The following AP4E1 variants were observed in gnomAD, a reference collection of about 807,000 sequenced individuals.
AP4E1 encodes AP-4 complex subunit epsilon-1.
In AP4E1, 56 loss-of-function variants were observed where a neutral mutation model predicts 128.2. The ratio of observed to expected loss-of-function variants is 0.44; its 90% CI spans 0.35 to 0.55. AP4E1 has a LOEUF of 0.55. Ranked by LOEUF, AP4E1 falls within the 20% of genes least tolerant of loss-of-function variation. The pLI, the probability that AP4E1 is intolerant of heterozygous loss-of-function variation, is 0.00. For missense variants in AP4E1, 1,324 were observed against 1,307.7 expected (o/e 1.01, Z -0.19); for synonymous variants, 484 against 473.1 (o/e 1.02, Z -0.30).
rs774059327 is a variant in AP4E1 at position 50,979,175 on chromosome 15, G to C, written c.1967-4847G>C. Among the ~76,000 whole-genome samples the C allele has an allele frequency of 3.3e-5, 5 of 152,132 alleles. 1 individual carries two copies. Among genetic ancestry groups the C allele is most frequent in the Non-Finnish European group, 5.9e-5 (4 of 68,024 alleles). ...ACTGGAAGTGTTAATGCAGTGGCTG[G>C]ATGACTCACTGTCACAGATGCTATT... On this transcript the variant is annotated intron_variant, in intron 15 of 20. Transcript: ENST00000261842.
intron 8 of AP4E1, among the ~76,000 whole-genome samples, chr15:50,938,637 A>T (rs36004063): frequency 1.3e-5 from 2 of 152,062 alleles, no homozygotes; most frequent in East Asian, 3.9e-4. Flanking sequence ...CTTTGTGGCC[A>T]GGGTTCGGAG....
intron 3 of AP4E1, among the ~76,000 whole-genome samples, chr15:50,921,182 G>A (rs2063699184): frequency 6.6e-6 from 1 of 151,960 alleles, no homozygotes; most frequent in South Asian, 2.1e-4. Context: ...TAGAGATAGG[G>A]TCTTGCTACG....
At chr15:50,932,671 A>G (rs2063850256) in intron 7 of AP4E1, among the ~76,000 whole-genome samples, 1 of 152,198 alleles carries the variant, frequency 6.6e-6, no homozygotes, top group South Asian at 2.1e-4. Flanking sequence ...ACCATTCTCC[A>G]GGCTTTTGCT....
In AP4E1 at chr15:51,004,312, C is replaced by G. The variant is rs1455985926; in HGVS notation, c.*1650C>G. 1 of 152,178 alleles carries G rather than the reference C, an allele frequency of 6.6e-6. No homozygotes were observed. The highest frequency in any genetic ancestry group is 1.5e-5 in the Non-Finnish European group (1 of 68,040). The allele number at this position is 152,178 out of a possible 1,614,324, so 9.4% of individuals were successfully genotyped here. On this transcript the variant is annotated 3_prime_UTR_variant, in exon 21 of 21. Coordinates refer to ENST00000261842, the MANE Select transcript of AP4E1 (RefSeq NM_007347.5). ...CCCCTTACCTAATTCTGCTGTGACT[C>G]TGACAGAGAGGAAGTGCCTTCTCAC...
chr15:50,960,631 A>G (rs1035732292), intron 14 of AP4E1, among the ~76,000 whole-genome samples: 1 of 152,100 alleles, frequency 6.6e-6, no homozygotes, highest in Admixed American at 6.6e-5. Flanking sequence ...TGGCAAAAAC[A>G]GTGCTAAGAG....
At chr15:50,968,900 G>A (rs1414164636) in intron 15 of AP4E1, among the ~76,000 whole-genome samples, 1 of 151,928 alleles carries the variant, frequency 6.6e-6, no homozygotes, top group East Asian at 1.9e-4. Context: ...TTACAGGCGT[G>A]AGCCACTGCG....
chr15:50,995,773 G>C (rs1457501199), intron 17 of AP4E1, among the ~76,000 whole-genome samples: 1 of 151,526 alleles, frequency 6.6e-6, no homozygotes, highest in African/African-American at 2.4e-5. Context: ...ATGTCACTAC[G>C]GTGTCTTCTG....
chr15:50,940,924 C>G (rs1274545765), intron 8 of AP4E1, among the ~76,000 whole-genome samples: 1 of 152,088 alleles, frequency 6.6e-6, no homozygotes, highest in Non-Finnish European at 1.5e-5. Flanking sequence ...GAAATAAATA[C>G]TGGATCATCC....
rs975311931 is a variant in AP4E1, at chr15:50,938,023, A to G, written c.943+3326A>G. On this transcript the variant is annotated intron_variant, in intron 8 of 20. Transcript: ENST00000261842. ...GACAAAAGCCATCAAAAGTAGGTAGATAGAAGTACTTTTCCGTTTTTTTTC... is the reference window on the plus strand; with the variant it reads ...GACAAAAGCCATCAAAAGTAGGTAGGTAGAAGTACTTTTCCGTTTTTTTTC... Among the ~76,000 whole-genome samples, 3 of 152,304 alleles carry G rather than the reference A, an allele frequency of 2.0e-5. No homozygotes were observed. The East Asian group carries it at 5.8e-4, about 29-fold the overall frequency.
intron 16 of AP4E1, 90 bp from the exon 17 acceptor site, chr15:50,993,280 T>C: frequency 7.3e-7 from 1 of 1,363,264 alleles, no homozygotes; most frequent in South Asian, 1.2e-5. Context: ...TAAAAGGCCA[T>C]GGGCATTGAT....
intron 13 of AP4E1, among the ~76,000 whole-genome samples, chr15:50,958,028 C>T (rs908908650): frequency 6.6e-5 from 10 of 151,992 alleles, no homozygotes; most frequent in African/African-American, 2.4e-4. Context: ...TCAGCTGATG[C>T]ATATTCAAAT....
intron 3 of AP4E1, 97 bp downstream of exon 3, chr15:50,915,668 A>G: frequency 5.1e-6 from 7 of 1,373,378 alleles, no homozygotes; most frequent in Non-Finnish European, 6.2e-6. Context: ...GTATGTTTTT[A>G]GAATACTGTA....
chr15:50,962,034 A>G (rs1487754125), intron 14 of AP4E1, among the ~76,000 whole-genome samples: 5 of 151,922 alleles, frequency 3.3e-5, no homozygotes, highest in Non-Finnish European at 7.4e-5. Context: ...ATACAATACA[A>G]TACAATACTT....
chr15:50,910,816 C>T (rs1026589116), intron 1 of AP4E1, among the ~76,000 whole-genome samples: 1 of 152,150 alleles, frequency 6.6e-6, no homozygotes. Flanking sequence ...TCACCATACC[C>T]GGCTAATTTT....
chr15:50,952,703 A>G (rs2064168493), intron 13 of AP4E1, among the ~76,000 whole-genome samples: 1 of 151,530 alleles, frequency 6.6e-6, no homozygotes, highest in Non-Finnish European at 1.5e-5. Context: ...TTTATAATGA[A>G]CCCCACTTTC....
chr15:50,983,116 A>C (rs1567254604), intron 15 of AP4E1, among the ~76,000 whole-genome samples: 1 of 152,190 alleles, frequency 6.6e-6, no homozygotes, highest in African/African-American at 2.4e-5. Flanking sequence ...GCTTTCTCCT[A>C]TTAAAGGAAT....
In AP4E1 at chr15:50,930,997, T is replaced by G. The variant is rs191656680; in HGVS notation, c.869+26T>G. ...GTAAACTATTTTCAGTAAGTTTGCT[T>G]AATGACCCCCATACCAGATGATAAG... On this transcript the variant is annotated intron_variant, in intron 7 of 20. Coordinates refer to ENST00000261842, the MANE Select transcript of AP4E1 (RefSeq NM_007347.5). 1.4e-4 allele frequency: 231 copies of G among 1,613,428 alleles called. No individual in the cohort carries two copies. In the Admixed American group the frequency reaches 1.7e-3, roughly 12 times the overall value.
At chr15:50,958,376 A>G (rs2064260357) in intron 13 of AP4E1, 116 bp from the exon 14 acceptor site, 1 of 816,790 alleles carries the variant, frequency 1.2e-6, no homozygotes, top group Non-Finnish European at 1.9e-6. Context: ...TCACCATGAG[A>G]GGATGTTTAA....
chr15:50,976,212 C>A (rs1195345231), intron 15 of AP4E1, among the ~76,000 whole-genome samples: 3 of 151,960 alleles, frequency 2.0e-5, no homozygotes, highest in Non-Finnish European at 4.4e-5. Flanking sequence ...CCTAGGGATC[C>A]AAGGATGGTT....
Sources: gnomAD v4.1 joint callset for allele counts (sites outside exome capture counted in the v4.1 genomes callset) on GRCh38, gnomAD v4.1.1 for gene constraint, MANE v1.5 for transcripts, NCBI Gene and HGNC (gene_info 2026-07-23, HGNC 2026-07-21) for gene names.